DLGAP2: variants seen among roughly 807,000 people sequenced by gnomAD.
The protein encoded by DLGAP2 is disks large-associated protein 2.
DLGAP2 carries 26 observed loss-of-function variants against 100.3 expected under a neutral mutation model. The ratio of observed to expected loss-of-function variants is 0.26; its 90% CI spans 0.19 to 0.36. The LOEUF is 0.36. DLGAP2 is among the 10% of genes least tolerant of loss of function. The pLI, the probability that DLGAP2 is intolerant of heterozygous loss-of-function variation, is 1.00. For synonymous variants in DLGAP2, 886 were observed against 630.1 expected (o/e 1.41, Z -6.08); for missense variants, 1,858 against 1,453.2 (o/e 1.28, Z -4.53).
chr8:1,328,646 T>G (rs2117053449), intron 3 of DLGAP2, among the ~76,000 whole-genome samples: 1 of 152,324 alleles, frequency 6.6e-6, no homozygotes, highest in Non-Finnish European at 1.5e-5. Context: ...CCACTGCACC[T>G]GGCCTTACAG....
intron 1 of DLGAP2, among the ~76,000 whole-genome samples, chr8:871,557 T>G (rs750397522): frequency 9.9e-5 from 15 of 152,224 alleles, no homozygotes; most frequent in Non-Finnish European, 1.6e-4. Flanking sequence ...AATCTTAAAA[T>G]TTGAAATCCA....
At chr8:883,705 G>C (rs1797864195) in intron 1 of DLGAP2, among the ~76,000 whole-genome samples, 1 of 151,962 alleles carries the variant, frequency 6.6e-6, no homozygotes, top group African/African-American at 2.4e-5. Flanking sequence ...AGGTGCGCGT[G>C]TGCCGCGGCC....
intron 10 of DLGAP2, among the ~76,000 whole-genome samples, chr8:1,670,973 C>A (rs1798676486): frequency 1.3e-5 from 2 of 152,178 alleles, no homozygotes; most frequent in Non-Finnish European, 2.9e-5. Flanking sequence ...CAGGCTGGGA[C>A]AAGAGTGAGC....
chr8:1,314,129 A>T (rs551033294), intron 3 of DLGAP2, among the ~76,000 whole-genome samples: 2 of 152,360 alleles, frequency 1.3e-5, no homozygotes, highest in Admixed American at 6.5e-5. Flanking sequence ...AATTTTGAAA[A>T]TTGTAACCTT....
At chr8:756,858 C>G (rs1407154451) in intron 1 of DLGAP2, among the ~76,000 whole-genome samples, 1 of 152,182 alleles carries the variant, frequency 6.6e-6, no homozygotes, top group African/African-American at 2.4e-5. Flanking sequence ...GATAATCTTT[C>G]TGGAGCCATT....
chr8:1,287,463 C>T (rs111793133), intron 3 of DLGAP2, among the ~76,000 whole-genome samples: 56 of 53,838 alleles, frequency 1.0e-3, no homozygotes, highest in Middle Eastern at 0.019. Context: ...GAACTAGTTT[C>T]GGTTCAGCGT....
At chr8:1,620,113 G>T (rs372838392) in intron 6 of DLGAP2, among the ~76,000 whole-genome samples, 9 of 152,224 alleles carry the variant, frequency 5.9e-5, no homozygotes, top group African/African-American at 2.2e-4. Flanking sequence ...CTGACAAGTT[G>T]TTCAAAAGTT....
chr8:1,620,759 G>C (rs895695290), intron 6 of DLGAP2, among the ~76,000 whole-genome samples: 3 of 152,072 alleles, frequency 2.0e-5, no homozygotes, highest in East Asian at 1.9e-4. Flanking sequence ...CTGCATTCAG[G>C]CACCTCGTCC....
At chr8:1,186,379 C>T (rs1303725877) in intron 2 of DLGAP2, among the ~76,000 whole-genome samples, 2 of 152,232 alleles carry the variant, frequency 1.3e-5, no homozygotes, top group African/African-American at 4.8e-5. Context: ...AGCAGCAAAA[C>T]TGTGACCAGG....
intron 3 of DLGAP2, among the ~76,000 whole-genome samples, chr8:1,320,232 A>C (rs921885521): frequency 6.6e-6 from 1 of 152,034 alleles, no homozygotes; most frequent in Admixed American, 6.6e-5. Flanking sequence ...AATGATTTGC[A>C]GGGGAAAGTT....
chr8:1,558,366 A>G (rs1352293409), intron 5 of DLGAP2, among the ~76,000 whole-genome samples: 1 of 152,178 alleles, frequency 6.6e-6, no homozygotes, highest in Non-Finnish European at 1.5e-5. Flanking sequence ...ACAGCCCCAG[A>G]AGAGAGTGAG....
chr8:1,146,577 A>G (rs62487482), intron 2 of DLGAP2, among the ~76,000 whole-genome samples: 34,328 of 129,440 alleles, frequency 0.27, 4,016 homozygotes, highest in Middle Eastern at 0.36. Context: ...ATGTGTGTGT[A>G]TGCACATGTG....
At chr8:758,528 G>A (rs539627982) in intron 1 of DLGAP2, among the ~76,000 whole-genome samples, 2 of 152,164 alleles carry the variant, frequency 1.3e-5, no homozygotes, top group South Asian at 4.1e-4. Context: ...AAGGTGCCCG[G>A]GAGAATCACC....
intron 3 of DLGAP2, among the ~76,000 whole-genome samples, chr8:1,264,975 C>T (rs920142643): frequency 3.3e-5 from 5 of 152,182 alleles, no homozygotes; most frequent in South Asian, 4.1e-4. Context: ...TAAGACATGC[C>T]GTTGCTCCTC....
intron 2 of DLGAP2, among the ~76,000 whole-genome samples, chr8:974,246 A>G (rs1800106068): frequency 6.6e-6 from 1 of 152,244 alleles, no homozygotes; most frequent in Non-Finnish European, 1.5e-5. Context: ...CAAAGATGAA[A>G]ATGAAATCTT....
At chr8:1,419,669 T>C (rs188621459) in intron 3 of DLGAP2, among the ~76,000 whole-genome samples, 17 of 152,288 alleles carry the variant, frequency 1.1e-4, no homozygotes, top group Non-Finnish European at 1.0e-4. Context: ...TGAGATACTG[T>C]CTCACTCCAG....
chr8:1,678,350 C>T lies in DLGAP2; in HGVS notation c.2425C>T (p.Pro809Ser). The change falls in exon 12 of 15, where the codon CCC (proline) becomes TCC (serine). Residue 809 changes from proline to serine, a missense_variant. Transcript: ENST00000637795. Reference protein sequence around the residue: ...FGSSFQRHSEPSTPTQYSAVR... With the variant: ...FGSSFQRHSESSTPTQYSAVR... Reference sequence around the variant, plus strand: ...CTCATCCTTCCAGCGGCACTCCGAGCCCAGCACCCCCACCCAGTACAGCGC... The same window carrying T: ...CTCATCCTTCCAGCGGCACTCCGAGTCCAGCACCCCCACCCAGTACAGCGC... 1 of 1,614,022 alleles carries T rather than the reference C, an allele frequency of 6.2e-7. No individual in the cohort carries two copies. Among genetic ancestry groups the T allele is most frequent in the Non-Finnish European group, 8.5e-7 (1 of 1,179,896 alleles).
In DLGAP2 at chr8:862,143, C is replaced by T. The variant is rs956929406; in HGVS notation, c.19-45769C>T. Among the ~76,000 whole-genome samples the T allele has an allele frequency of 8.5e-5, 13 of 152,120 alleles. No homozygotes were observed. In the East Asian group the frequency reaches 1.2e-3, roughly 14 times the overall value. On this transcript the variant is annotated intron_variant, in intron 1 of 14. Coordinates refer to ENST00000637795, the MANE Select transcript of DLGAP2 (RefSeq NM_001346810.2). Reference sequence around the variant, plus strand: ...GGGGTCTCTTTTGTGGAGTGAGCACCGTGTCATGGCCAGGAGAAGGCTCCG... The same window carrying T: ...GGGGTCTCTTTTGTGGAGTGAGCACTGTGTCATGGCCAGGAGAAGGCTCCG...
chr8:1,096,606 G>A (rs552943379), intron 2 of DLGAP2, among the ~76,000 whole-genome samples: 4 of 151,678 alleles, frequency 2.6e-5, no homozygotes, highest in African/African-American at 7.3e-5. Flanking sequence ...CTGTGGCATA[G>A]AGAGGACCCC....
Sources: allele counts gnomAD v4.1 joint callset (sites outside exome capture counted in the v4.1 genomes callset), GRCh38; gene constraint gnomAD v4.1.1; transcripts MANE v1.5; gene names NCBI Gene and HGNC (gene_info 2026-07-23, HGNC 2026-07-21).